Variants in YEATS4 observed in about 807,000 individuals in gnomAD.
The protein encoded by YEATS4 is YEATS domain-containing protein 4.
In YEATS4, 17 loss-of-function variants were observed where a neutral mutation model predicts 30.1. That is an observed-to-expected ratio of 0.56 (90% CI 0.39 to 0.85). The LOEUF is 0.85. Ranked by LOEUF, YEATS4 falls within the 40% of genes least tolerant of loss-of-function variation. The probability of loss-of-function intolerance (pLI) is 0.00; values close to 1 mark genes in which losing one functional copy is unlikely to be tolerated. For synonymous variants in YEATS4, 85 were observed against 87.5 expected, an observed-to-expected ratio of 0.97 and a Z score of 0.16; for missense variants, 142 against 268.3, an observed-to-expected ratio of 0.53 and a Z score of 3.29.
intron 6 of YEATS4, among the ~76,000 whole-genome samples, chr12:69,376,367 G>A (rs160827): frequency 0.76 from 115,219 of 152,112 alleles, 44,011 homozygotes; most frequent in African/African-American, 0.87. Flanking sequence ...CTCTCTCTCA[G>A]AATAAATAAA....
chr12:69,376,722 A>G (rs766526783), intron 6 of YEATS4, among the ~76,000 whole-genome samples: 5 of 152,194 alleles, frequency 3.3e-5, no homozygotes, highest in Non-Finnish European at 7.3e-5. Flanking sequence ...GCCTCATAGA[A>G]TGAGTTTGGA....
intron 4 of YEATS4, among the ~76,000 whole-genome samples, chr12:69,368,277 G>A (rs761228298): frequency 2.0e-5 from 3 of 152,108 alleles, no homozygotes; most frequent in Non-Finnish European, 2.9e-5. Context: ...TACAGATCAA[G>A]CCACTATAAA....
At chr12:69,376,716 C>G (rs558982151) in intron 6 of YEATS4, among the ~76,000 whole-genome samples, 38 of 152,234 alleles carry the variant, frequency 2.5e-4, no homozygotes, top group Admixed American at 3.9e-4. Flanking sequence ...ATACTGGCCT[C>G]ATAGAATGAG....
intron 6 of YEATS4, among the ~76,000 whole-genome samples, chr12:69,378,501 A>G (rs1215251958): frequency 6.6e-6 from 1 of 151,930 alleles, no homozygotes. Context: ...TTCTGGTGGT[A>G]TATTTTAATT....
At chr12:69,384,949 A>C (rs1347851506) in intron 6 of YEATS4, among the ~76,000 whole-genome samples, 1 of 152,186 alleles carries the variant, frequency 6.6e-6, no homozygotes, top group Non-Finnish European at 1.5e-5. Flanking sequence ...CCCTGCTAAT[A>C]ATTTTAAAAA....
chr12:69,426,650 C>T, the YEATS4 span, among the ~76,000 whole-genome samples: 1 of 152,168 alleles, frequency 6.6e-6, no homozygotes, highest in Non-Finnish European at 1.5e-5. Context: ...GGATTATGGG[C>T]ATAAGCCACC....
At chr12:69,368,820 GTCT>G (rs767225724) in intron 4 of YEATS4, among the ~76,000 whole-genome samples, 2 of 152,066 alleles carry the variant, frequency 1.3e-5, no homozygotes, top group East Asian at 1.9e-4. Flanking sequence ...TGGTCTCTGT[GTCT>G]TCTTCTCTTA....
intron 1 of YEATS4, among the ~76,000 whole-genome samples, chr12:69,362,049 G>A (rs1335108863): frequency 4.5e-5 from 5 of 111,422 alleles, no homozygotes; most frequent in South Asian, 2.7e-4. Flanking sequence ...ACAGAGGCTC[G>A]CTCTGTTGCC....
At chr12:69,375,599 C>T (rs1875837247) in intron 6 of YEATS4, among the ~76,000 whole-genome samples, 2 of 152,188 alleles carry the variant, frequency 1.3e-5, no homozygotes, top group South Asian at 4.1e-4. Flanking sequence ...CCACTGCACT[C>T]CAGCCTGGGC....
downstream of YEATS4, among the ~76,000 whole-genome samples, chr12:69,393,470 T>TA (rs1347410164): frequency 7.0e-6 from 1 of 143,542 alleles, no homozygotes; most frequent in African/African-American, 2.6e-5. Flanking sequence ...TTGTCTCTTT[T>TA]AAAAAAAGAA....
Position 69,359,879 on chromosome 12 carries a change from C to G in YEATS4, c.-94C>G. On this transcript the variant is annotated 5_prime_UTR_variant, in exon 1 of 7. Coordinates refer to ENST00000247843, the MANE Select transcript of YEATS4 (RefSeq NM_006530.4). Reference sequence around the variant, plus strand: ...TTCGGCTAGAAACCCTCCGCCTGGGCCCGCGCGACAGGAGCGCGGTCTCTG... The same window carrying G: ...TTCGGCTAGAAACCCTCCGCCTGGGGCCGCGCGACAGGAGCGCGGTCTCTG... The G allele has an allele frequency of 6.6e-7, 1 of 1,510,862 alleles. No homozygotes were observed. Among genetic ancestry groups the G allele is most frequent in the East Asian group, 2.4e-5 (1 of 42,294 alleles). 93.6% of individuals were successfully genotyped at this position (1,510,862 alleles called of 1,614,324 possible).
At chr12:69,415,322 C>T in the YEATS4 span, among the ~76,000 whole-genome samples, 1 of 152,194 alleles carries the variant, frequency 6.6e-6, no homozygotes, top group Non-Finnish European at 1.5e-5. Context: ...CGCATGTAAT[C>T]CCAACACTTT....
At chr12:69,385,505 C>T (rs1280356212) in intron 6 of YEATS4, among the ~76,000 whole-genome samples, 1 of 152,116 alleles carries the variant, frequency 6.6e-6, no homozygotes, top group Non-Finnish European at 1.5e-5. Context: ...TATAAACTCA[C>T]TTAATTCTAT....
At chr12:69,360,493 C>T (rs953849854) in intron 1 of YEATS4, among the ~76,000 whole-genome samples, 4 of 152,184 alleles carry the variant, frequency 2.6e-5, no homozygotes, top group Non-Finnish European at 4.4e-5. Flanking sequence ...AGAAAATTTG[C>T]TGGAGTTCAT....
chr12:69,418,942 G>A, the YEATS4 span, among the ~76,000 whole-genome samples: 1 of 149,184 alleles, frequency 6.7e-6, no homozygotes, highest in African/African-American at 2.5e-5. Flanking sequence ...TATGTTTTAT[G>A]TATAAATATA....
downstream of YEATS4, among the ~76,000 whole-genome samples, chr12:69,395,313 A>G: frequency 6.7e-6 from 1 of 149,392 alleles, no homozygotes; most frequent in East Asian, 2.0e-4. Context: ...TAAAAAATAG[A>G]AAAAAAAATG....
At chr12:69,360,795 A>G (rs1277652495) in intron 1 of YEATS4, among the ~76,000 whole-genome samples, 5 of 147,802 alleles carry the variant, frequency 3.4e-5, no homozygotes, top group Non-Finnish European at 6.0e-5. Flanking sequence ...CACCGCGCCC[A>G]GCCGTGGTTC....
chr12:69,408,999 G>A, the YEATS4 span, among the ~76,000 whole-genome samples: 4 of 152,094 alleles, frequency 2.6e-5, no homozygotes, highest in Admixed American at 6.6e-5. Context: ...GCTGAGGCTC[G>A]GTTTTCTCTT....
chr12:69,394,301 C>T (rs1053152527), downstream of YEATS4, among the ~76,000 whole-genome samples: 2 of 151,880 alleles, frequency 1.3e-5, no homozygotes, highest in African/African-American at 4.8e-5. Context: ...TAAAAATAGC[C>T]TAAAGGAAAA....
Sources: gnomAD v4.1 joint callset for allele counts (sites outside exome capture counted in the v4.1 genomes callset) on GRCh38, gnomAD v4.1.1 for gene constraint, MANE v1.5 for transcripts, NCBI Gene and HGNC (gene_info 2026-07-23, HGNC 2026-07-21) for gene names.